CNTN3: variants seen among roughly 807,000 people sequenced by gnomAD.
CNTN3 encodes contactin 3, also known as contactin-3.
CNTN3 carries 60 observed loss-of-function variants against 119.1 expected under a neutral mutation model. The ratio of observed to expected loss-of-function variants is 0.50; its 90% CI spans 0.41 to 0.62. CNTN3 has a LOEUF of 0.62. Among genes scored for constraint, CNTN3 ranks in the 20% least tolerant of loss-of-function variants. CNTN3 has a pLI of 0.00. For synonymous variants in CNTN3, 450 were observed against 438.7 expected, an observed-to-expected ratio of 1.03 and a Z score of -0.32; for missense variants, 1,101 against 1,242.4, an observed-to-expected ratio of 0.89 and a Z score of 1.71.
intron 5 of CNTN3, among the ~76,000 whole-genome samples, chr3:74,406,743 T>C (rs753167273): frequency 1.5e-5 from 2 of 134,480 alleles, no homozygotes; most frequent in Non-Finnish European, 3.3e-5. Flanking sequence ...AGAAACTATG[T>C]ATGTGTAGGT....
chr3:74,524,326 G>A (rs1259690473), intron 1 of CNTN3, among the ~76,000 whole-genome samples: 2 of 151,832 alleles, frequency 1.3e-5, no homozygotes, highest in African/African-American at 4.8e-5. Context: ...AGATTGTCAG[G>A]AGACTGATAA....
intron 1 of CNTN3, among the ~76,000 whole-genome samples, chr3:74,542,524 C>A (rs916039682): frequency 6.6e-6 from 1 of 152,044 alleles, no homozygotes; most frequent in East Asian, 1.9e-4. Context: ...TGAAAAAGTT[C>A]TTAACGCATA....
At chr3:74,411,696 A>G (rs926322326) in intron 5 of CNTN3, among the ~76,000 whole-genome samples, 3 of 152,128 alleles carry the variant, frequency 2.0e-5, no homozygotes, top group Admixed American at 6.5e-5. Flanking sequence ...GAAGTATAAA[A>G]CCATGAGAGA....
chr3:74,478,660 G>A (rs549828411), intron 4 of CNTN3, among the ~76,000 whole-genome samples: 1 of 152,194 alleles, frequency 6.6e-6, no homozygotes, highest in South Asian at 2.1e-4. Flanking sequence ...CGACCCTCCT[G>A]AAGACAAACT....
At position 74,262,986 on chromosome 3, in the gene CNTN3, T is replaced by C. The variant is rs1408082178; in HGVS notation, c.*1415A>G. ...TAATCTCTAAATGTAAAATAGTGCT[T>C]TATGGTGATATCAGAATTTCCCTAA... On this transcript the variant is annotated 3_prime_UTR_variant, in exon 23 of 23. Transcript: ENST00000263665. 2 of 152,112 alleles carry C rather than the reference T, an allele frequency of 1.3e-5. No homozygotes were observed. The highest frequency in any genetic ancestry group is 2.9e-5 in the Non-Finnish European group (2 of 67,994). 9.4% of individuals were successfully genotyped at this position (152,112 alleles called of 1,614,324 possible). A position where few individuals can be genotyped will look rare whatever the true frequency, so the allele number is the denominator to read the frequency against.
intron 1 of CNTN3, among the ~76,000 whole-genome samples, chr3:74,585,203 T>C (rs146403003): frequency 6.6e-6 from 1 of 152,316 alleles, no homozygotes; most frequent in Admixed American, 6.5e-5. Flanking sequence ...GATGGGTTAG[T>C]ATCCATAAAT....
Position 74,543,279 on chromosome 3 carries a change from TA to T in CNTN3, c.-80-22088del, listed in dbSNP as rs371405783. ...GATGATGCGACCAAAAAATAAGATT[TA>T]AAACTAGCGTATCATTTATTGCTTG... On this transcript the variant is annotated intron_variant, in intron 1 of 22. Transcript: ENST00000263665. Among the ~76,000 whole-genome samples, 334 of 152,296 alleles carry T rather than the reference TA, an allele frequency of 2.2e-3. 4 individuals are homozygous for T. The highest frequency in any genetic ancestry group is 7.5e-3 in the African/African-American group (311 of 41,562).
At position 74,371,329 on chromosome 3, in the gene CNTN3, G is replaced by A; in HGVS notation, c.525C>T (p.Ser175=). ...FVEEDSRRFV[S]QETGHLYISK... ...ATATGTAGAGGTGCCCTGTCTCCTG[G>A]GAGACAAATCTCCGACTATCTTCTT... The change falls in exon 6 of 23, where the codon TCC becomes TCT. Residue 175 remains serine (S), a synonymous_variant. Transcript: ENST00000263665. 6.2e-7 allele frequency: 1 copy of A among 1,613,220 alleles called. No individual in the cohort carries two copies. The highest frequency in any genetic ancestry group is 8.5e-7 in the Non-Finnish European group (1 of 1,179,516).
At chr3:74,482,321 A>G (rs1241311786) in intron 4 of CNTN3, among the ~76,000 whole-genome samples, 1 of 152,038 alleles carries the variant, frequency 6.6e-6, no homozygotes, top group African/African-American at 2.4e-5. Flanking sequence ...ATACTAGTAA[A>G]TGTTCACCAT....
intron 1 of CNTN3, among the ~76,000 whole-genome samples, chr3:74,610,189 C>T (rs886368375): frequency 1.3e-5 from 2 of 151,804 alleles, no homozygotes; most frequent in Non-Finnish European, 1.5e-5. Context: ...CAGGGCATGG[C>T]GGTGTGTGTC....
intron 11 of CNTN3, among the ~76,000 whole-genome samples, chr3:74,360,371 G>A (rs1269455891): frequency 2.0e-5 from 3 of 152,148 alleles, no homozygotes; most frequent in South Asian, 2.1e-4. Context: ...CACTGATAAA[G>A]CTTAGTGGTT....
At chr3:74,292,274 C>A (rs1314130134) in intron 19 of CNTN3, among the ~76,000 whole-genome samples, 2 of 152,140 alleles carry the variant, frequency 1.3e-5, no homozygotes, top group Non-Finnish European at 2.9e-5. Context: ...TTATGATGAG[C>A]CAGAAACTGG....
At chr3:74,599,468 G>A (rs984924781) in intron 1 of CNTN3, among the ~76,000 whole-genome samples, 20 of 152,044 alleles carry the variant, frequency 1.3e-4, no homozygotes, top group African/African-American at 4.8e-4. Flanking sequence ...TGAACCAGGT[G>A]GGGGCCAGGG....
At chr3:74,488,168 G>A (rs1287499756) in intron 3 of CNTN3, among the ~76,000 whole-genome samples, 1 of 151,806 alleles carries the variant, frequency 6.6e-6, no homozygotes, top group African/African-American at 2.4e-5. Context: ...CTGGAGTGTA[G>A]GTGGTGCGAT....
At chr3:74,371,051 T>C in intron 6 of CNTN3, 145 bp downstream of exon 6, 1 of 630,720 alleles carries the variant, frequency 1.6e-6, no homozygotes, top group Non-Finnish European at 2.8e-6. Context: ...AAATCATTTT[T>C]GTCATTGTAC....
intron 11 of CNTN3, among the ~76,000 whole-genome samples, chr3:74,341,423 A>G (rs965748995): frequency 6.6e-6 from 1 of 152,126 alleles, no homozygotes; most frequent in African/African-American, 2.4e-5. Flanking sequence ...CTGTCTTGGC[A>G]CAAAACGTTA....
intron 4 of CNTN3, among the ~76,000 whole-genome samples, chr3:74,461,840 C>T (rs1382669437): frequency 6.6e-6 from 1 of 151,982 alleles, no homozygotes; most frequent in Non-Finnish European, 1.5e-5. Context: ...TTGTCAAGAC[C>T]ACTTATGTTT....
intron 4 of CNTN3, among the ~76,000 whole-genome samples, chr3:74,453,484 T>G (rs1370215082): frequency 2.0e-5 from 3 of 152,216 alleles, no homozygotes; most frequent in African/African-American, 7.2e-5. Context: ...ATTCATTCAT[T>G]TTTTGAAGGG....
At chr3:74,512,878 C>T (rs1703393032) in intron 2 of CNTN3, among the ~76,000 whole-genome samples, 1 of 144,326 alleles carries the variant, frequency 6.9e-6, no homozygotes, top group Admixed American at 7.1e-5. Flanking sequence ...CCACTTCTCT[C>T]GTTTTGTACA....
Sources: allele counts gnomAD v4.1 joint callset (sites outside exome capture counted in the v4.1 genomes callset), GRCh38; gene constraint gnomAD v4.1.1; transcripts MANE v1.5; gene names NCBI Gene and HGNC (gene_info 2026-07-23, HGNC 2026-07-21).